The following PTPRN2 variants were observed in gnomAD, a reference collection of about 807,000 sequenced individuals.
PTPRN2 encodes the protein receptor-type tyrosine-protein phosphatase N2.
PTPRN2 carries 74 observed loss-of-function variants against 118.8 expected under a neutral mutation model. The ratio of observed to expected loss-of-function variants is 0.62; its 90% confidence interval spans 0.52 to 0.76. The LOEUF (loss-of-function observed/expected upper bound fraction) is 0.76, where lower values mean the gene tolerates loss of function less well. Ranked by LOEUF, PTPRN2 falls within the 30% of genes least tolerant of loss-of-function variation. The pLI, the probability that PTPRN2 is intolerant of heterozygous loss-of-function variation, is 0.00. For missense variants in PTPRN2, 1,481 were observed against 1,394.4 expected, an observed-to-expected ratio of 1.06 and a Z score of -0.99; for synonymous variants, 641 against 608.0, an observed-to-expected ratio of 1.05 and a Z score of -0.80.
Position 157,835,389 on chromosome 7 carries a change from A to C in PTPRN2, c.1788+63284T>G, listed in dbSNP as rs1399558843. Among the ~76,000 whole-genome samples, 9 of 152,356 alleles carry C rather than the reference A, an allele frequency of 5.9e-5. No homozygotes were observed. The East Asian group carries it at 1.7e-3, about 29-fold the overall frequency. Reference sequence around the variant, plus strand: ...GTGAGGAAATTAAAACTACAATAGCAGAGTTAAAATTCACATTGAGGCGGC... The same window carrying C: ...GTGAGGAAATTAAAACTACAATAGCCGAGTTAAAATTCACATTGAGGCGGC... On this transcript the variant is annotated intron_variant, in intron 12 of 22. Transcript: ENST00000389418.
At chr7:157,597,249 C>T (rs1801396195) in intron 16 of PTPRN2, among the ~76,000 whole-genome samples, 2 of 152,192 alleles carry the variant, frequency 1.3e-5, no homozygotes, top group Non-Finnish European at 2.9e-5. Context: ...TAAAACTGGA[C>T]CTCGTTTTGA....
In PTPRN2 at chr7:158,093,059, G is replaced by T. The variant is rs148937946; in HGVS notation, c.1644-11682C>A. On this transcript the variant is annotated intron_variant, in intron 10 of 22. Coordinates refer to ENST00000389418, the MANE Select transcript of PTPRN2 (RefSeq NM_002847.5). The surrounding 1 kb of genome is among the most constrained non-coding windows in gnomAD (Gnocchi z 4.4). ...CCACCACTAGAATCACAACTTCGGC[G>T]TTCTTGGCTGAGAGCCTTCTGCGAG... 1.3e-5 allele frequency among the ~76,000 whole-genome samples: 2 copies of T among 152,210 alleles called. No individual in the cohort carries two copies. Among genetic ancestry groups the T allele is most frequent in the Non-Finnish European group, 2.9e-5 (2 of 68,048 alleles).
chr7:157,605,668 C>T (rs1050435982), intron 15 of PTPRN2, among the ~76,000 whole-genome samples: 2 of 152,206 alleles, frequency 1.3e-5, no homozygotes, highest in African/African-American at 4.8e-5. Flanking sequence ...TTTCTGCAGC[C>T]AGGGGGTCCC....
At chr7:157,907,971 G>A (rs1402775467) in intron 11 of PTPRN2, among the ~76,000 whole-genome samples, 1 of 152,166 alleles carries the variant, frequency 6.6e-6, no homozygotes, top group Non-Finnish European at 1.5e-5. Context: ...ACTTCCCCAA[G>A]CCTGTCTGTC....
intron 5 of PTPRN2, among the ~76,000 whole-genome samples, chr7:158,183,709 G>A (rs1294934914): frequency 6.6e-6 from 1 of 152,212 alleles, no homozygotes; most frequent in East Asian, 1.9e-4. Flanking sequence ...GAATTCTCCA[G>A]TGGGGGTGCA....
intron 3 of PTPRN2, among the ~76,000 whole-genome samples, chr7:158,305,211 T>C (rs375429756): frequency 6.6e-6 from 1 of 152,194 alleles, no homozygotes; most frequent in Non-Finnish European, 1.5e-5. Context: ...GAAGGGTCCA[T>C]TCAGCTGGCT....
Position 157,579,114 on chromosome 7 carries a change from G to A in PTPRN2, c.2497-974C>T, listed in dbSNP as rs140984997. 1.6e-3 allele frequency among the ~76,000 whole-genome samples: 238 copies of A among 152,246 alleles called. 1 individual carries two copies. Among genetic ancestry groups the A allele is most frequent in the African/African-American group, 5.2e-3 (216 of 41,534 alleles). ...AAATATAAAATGCTGTCATCGTAGC[G>A]CATGTTACTGAATTCCACATTTATA... On this transcript the variant is annotated intron_variant, in intron 17 of 22. Coordinates refer to ENST00000389418, the MANE Select transcript of PTPRN2 (RefSeq NM_002847.5).
chr7:158,511,333 T>A (rs1035971667), intron 1 of PTPRN2, among the ~76,000 whole-genome samples: 1 of 152,188 alleles, frequency 6.6e-6, no homozygotes, highest in Non-Finnish European at 1.5e-5. Context: ...GCAGTGTGGT[T>A]TGTGATGTTA....
At chr7:158,582,364 G>C (rs1451168581) in intron 1 of PTPRN2, among the ~76,000 whole-genome samples, 1 of 152,064 alleles carries the variant, frequency 6.6e-6, no homozygotes, top group Non-Finnish European at 1.5e-5. Flanking sequence ...TTGGGATTCG[G>C]CTGGATGAAA....
intron 12 of PTPRN2, among the ~76,000 whole-genome samples, chr7:157,726,464 C>A (rs1342571130): frequency 6.6e-6 from 1 of 152,102 alleles, no homozygotes. Context: ...TCACCTCCCA[C>A]CCGAGCGTGC....
intron 12 of PTPRN2, among the ~76,000 whole-genome samples, chr7:157,789,295 C>T (rs948167465): frequency 6.6e-5 from 10 of 152,214 alleles, no homozygotes; most frequent in Non-Finnish European, 1.2e-4. Context: ...CGCCCGGTGC[C>T]GCTGGCTTCT....
At chr7:157,818,890 C>T (rs1479419938) in intron 12 of PTPRN2, among the ~76,000 whole-genome samples, 1 of 152,120 alleles carries the variant, frequency 6.6e-6, no homozygotes, top group Admixed American at 6.5e-5. Context: ...CAGCCCTCGC[C>T]CAACACACCC....
At chr7:158,059,207 C>A (rs1420935144) in intron 11 of PTPRN2, among the ~76,000 whole-genome samples, 36 of 91,672 alleles carry the variant, frequency 3.9e-4, no homozygotes, top group African/African-American at 4.7e-4. Flanking sequence ...CTCCATCTGC[C>A]CACAGTGAGA....
chr7:158,472,116 G>A (rs188204397), intron 2 of PTPRN2, among the ~76,000 whole-genome samples: 30 of 152,320 alleles, frequency 2.0e-4, no homozygotes, highest in Middle Eastern at 3.4e-3. Flanking sequence ...ACCAATACGT[G>A]ACCATTTCCT....
chr7:157,713,744 C>T (rs933954338), intron 12 of PTPRN2, among the ~76,000 whole-genome samples: 2 of 152,158 alleles, frequency 1.3e-5, no homozygotes, highest in Admixed American at 6.5e-5. Flanking sequence ...CAGACATTCC[C>T]GACAGCTGTG....
At chr7:157,551,095 C>T (rs944258126) in intron 21 of PTPRN2, among the ~76,000 whole-genome samples, 1 of 152,118 alleles carries the variant, frequency 6.6e-6, no homozygotes, top group Non-Finnish European at 1.5e-5. Flanking sequence ...AGAATCATGG[C>T]AGAAACGACG....
At chr7:158,409,735 C>T (rs966628827) in intron 2 of PTPRN2, among the ~76,000 whole-genome samples, 2 of 152,114 alleles carry the variant, frequency 1.3e-5, no homozygotes, top group Non-Finnish European at 2.9e-5. Flanking sequence ...TCGCGCAGGC[C>T]CCCTCAGACC....
intron 11 of PTPRN2, among the ~76,000 whole-genome samples, chr7:158,020,637 G>A (rs1806805483): frequency 6.6e-6 from 1 of 152,204 alleles, no homozygotes; most frequent in South Asian, 2.1e-4. Context: ...GGGGTAAAAT[G>A]CACCATGTGC....
intron 11 of PTPRN2, among the ~76,000 whole-genome samples, chr7:157,966,238 T>C (rs964630559): frequency 6.6e-6 from 1 of 152,178 alleles, no homozygotes. Flanking sequence ...TGCCTTCCTG[T>C]GAAAGAAAAG....
Sources: gnomAD v4.1 joint callset for allele counts (sites outside exome capture counted in the v4.1 genomes callset) on GRCh38, gnomAD v4.1.1 for gene constraint, Gnocchi (gnomAD v3.1) non-coding constraint, MANE v1.5 for transcripts, NCBI Gene and HGNC (gene_info 2026-07-23, HGNC 2026-07-21) for gene names.